FAM222A: variants seen among roughly 807,000 people sequenced by gnomAD.
FAM222A encodes the protein family with sequence similarity 222 member A.
Under a neutral mutation model 25.8 loss-of-function variants are expected in FAM222A, and 7 were observed. That is an observed-to-expected ratio of 0.27 (90% confidence interval 0.15 to 0.51). FAM222A has a LOEUF of 0.51. FAM222A is among the 20% of genes least tolerant of loss of function. The pLI is 0.97. For missense variants in FAM222A, 573 were observed against 640.5 expected (o/e 0.89, Z 1.14); for synonymous variants, 294 against 298.8 (o/e 0.98, Z 0.17).
intron 2 of FAM222A, among the ~76,000 whole-genome samples, chr12:109,764,755 G>T (rs772730639): frequency 1.9e-4 from 29 of 152,194 alleles, no homozygotes; most frequent in Non-Finnish European, 4.1e-4. Context: ...AGCAACTGCT[G>T]ATTTATGGCT....
chr12:109,753,146 C>T (rs767685705), intron 2 of FAM222A, among the ~76,000 whole-genome samples: 21 of 152,266 alleles, frequency 1.4e-4, no homozygotes, highest in Middle Eastern at 3.4e-3. Flanking sequence ...AGAGAGGCAC[C>T]GTGGGGGCCT....
chr12:109,765,084 C>G (rs1264353314), intron 2 of FAM222A, among the ~76,000 whole-genome samples: 1 of 152,212 alleles, frequency 6.6e-6, no homozygotes, highest in Non-Finnish European at 1.5e-5. Flanking sequence ...AGGGCAGAGG[C>G]AAATAAGCCC....
At chr12:109,733,285 T>G (rs550829485) in intron 1 of FAM222A, among the ~76,000 whole-genome samples, 13 of 152,236 alleles carry the variant, frequency 8.5e-5, no homozygotes, top group Non-Finnish European at 1.6e-4. Flanking sequence ...TTTTAAATAC[T>G]GATTACACAT....
intron 2 of FAM222A, among the ~76,000 whole-genome samples, chr12:109,758,336 C>G (rs1888793726): frequency 6.6e-6 from 1 of 152,200 alleles, no homozygotes; most frequent in African/African-American, 2.4e-5. Context: ...CCAGCCTTTT[C>G]TGAGCACCTG....
Position 109,732,571 on chromosome 12 carries a change from C to T in FAM222A, c.-46-11530C>T, listed in dbSNP as rs191453147. Among the ~76,000 whole-genome samples the T allele has an allele frequency of 1.0e-4, 16 of 152,402 alleles. No individual in the cohort carries two copies. The East Asian group carries it at 1.9e-3, about 18-fold the overall frequency. On this transcript the variant is annotated intron_variant, in intron 1 of 2. Coordinates refer to ENST00000538780, the MANE Select transcript of FAM222A (RefSeq NM_032829.3). ...TCATTTGTAACCGTCACCAGGCAAT[C>T]GGGCCCGTCGCTGATTCAATCTCGG... is the stretch of plus-strand genomic sequence containing the variant.
At chr12:109,764,017 C>T (rs560460618) in intron 2 of FAM222A, among the ~76,000 whole-genome samples, 7 of 152,026 alleles carry the variant, frequency 4.6e-5, no homozygotes, top group South Asian at 4.2e-4. Context: ...GTCACTTGAG[C>T]CCACGAGTTC....
chr12:109,743,619 A>G (rs1888306426), intron 1 of FAM222A, among the ~76,000 whole-genome samples: 1 of 152,184 alleles, frequency 6.6e-6, no homozygotes, highest in Non-Finnish European at 1.5e-5. Context: ...CGGGAGACAG[A>G]CCAGTACTTC....
At chr12:109,755,284 CTTCTTTTTTTTTTTTTTTTTT>C (rs1888689823) in intron 2 of FAM222A, among the ~76,000 whole-genome samples, 1 of 67,966 alleles carries the variant, frequency 1.5e-5, no homozygotes, top group Non-Finnish European at 2.9e-5. Flanking sequence ...GTCTGTAATT[CTTCTTTTTTTTTTTTTTTTTT>C]TTTTTTTTTT....
intron 1 of FAM222A, among the ~76,000 whole-genome samples, chr12:109,731,872 G>A (rs1254602082): frequency 6.6e-6 from 1 of 152,148 alleles, no homozygotes; most frequent in Non-Finnish European, 1.5e-5. Context: ...GGAAATAAAG[G>A]TCCCAGCCCA....
intron 1 of FAM222A, among the ~76,000 whole-genome samples, chr12:109,724,772 G>T (rs1566184394): frequency 6.6e-6 from 1 of 151,998 alleles, no homozygotes; most frequent in Non-Finnish European, 1.5e-5. Context: ...TGGGGGTGAG[G>T]GTCCTTTGCT....
intron 1 of FAM222A, among the ~76,000 whole-genome samples, chr12:109,731,578 C>A (rs1395993979): frequency 1.3e-5 from 2 of 152,180 alleles, no homozygotes; most frequent in African/African-American, 4.8e-5. Flanking sequence ...TGAAGCCACC[C>A]CCTGCCCAGA....
At chr12:109,722,399 G>C (rs538587449) in intron 1 of FAM222A, 2 of 152,276 alleles carry the variant, frequency 1.3e-5, no homozygotes, top group African/African-American at 4.8e-5. Context: ...TGCTTGGGGG[G>C]CTACCTTCAG....
chr12:109,750,460 G>A (rs967516852), intron 2 of FAM222A, among the ~76,000 whole-genome samples: 1 of 152,198 alleles, frequency 6.6e-6, no homozygotes, highest in Non-Finnish European at 1.5e-5. Context: ...GAAGCCAGGA[G>A]TTTGACATAA....
rs375066166 is a variant in FAM222A, at chr12:109,769,325, C to T, written c.*37C>T. 104 of 1,545,778 alleles carry T rather than the reference C, an allele frequency of 6.7e-5. No homozygotes were observed. The highest frequency in any genetic ancestry group is 8.3e-5 in the Non-Finnish European group (95 of 1,144,232). On this transcript the variant is annotated 3_prime_UTR_variant, in exon 3 of 3. Transcript: ENST00000538780. ...CGGACATACGGACATGCGGACAGGGCGCAGAGCCGGGAGGCAGGCCGCAGA... is the reference window on the plus strand; with the variant it reads ...CGGACATACGGACATGCGGACAGGGTGCAGAGCCGGGAGGCAGGCCGCAGA...
chr12:109,724,101 G>A (rs1264902957), intron 1 of FAM222A, among the ~76,000 whole-genome samples: 2 of 152,208 alleles, frequency 1.3e-5, no homozygotes, highest in African/African-American at 2.4e-5. Context: ...AGAATTCCAG[G>A]GGACCCACCC....
chr12:109,724,544 C>T (rs952254811), intron 1 of FAM222A, among the ~76,000 whole-genome samples: 2 of 152,142 alleles, frequency 1.3e-5, no homozygotes, highest in Admixed American at 1.3e-4. Flanking sequence ...CCACCCTCCT[C>T]GGGCCCTCAG....
intron 1 of FAM222A, among the ~76,000 whole-genome samples, chr12:109,738,553 G>T (rs7973227): frequency 0.2 from 29,887 of 152,128 alleles, 3,433 homozygotes; most frequent in East Asian, 0.29. Context: ...CAGGAAGGCT[G>T]CGAGGCCCTG....
intron 1 of FAM222A, among the ~76,000 whole-genome samples, chr12:109,717,273 C>G (rs973178289): frequency 3.3e-5 from 5 of 152,258 alleles, no homozygotes; most frequent in Non-Finnish European, 5.9e-5. Flanking sequence ...ACCCCCAGGA[C>G]TCCTTTCTCC....
At chr12:109,743,642 C>T (rs1888307188) in intron 1 of FAM222A, among the ~76,000 whole-genome samples, 2 of 152,226 alleles carry the variant, frequency 1.3e-5, no homozygotes, top group South Asian at 4.1e-4. Flanking sequence ...TAACCTGGGA[C>T]ACCCATGTAC....
Sources: gnomAD v4.1 joint callset for allele counts (sites outside exome capture counted in the v4.1 genomes callset) on GRCh38, gnomAD v4.1.1 for gene constraint, MANE v1.5 for transcripts, NCBI Gene and HGNC (gene_info 2026-07-23, HGNC 2026-07-21) for gene names.